The following SCAI variants were observed in gnomAD, a reference collection of about 807,000 sequenced individuals.
SCAI encodes the protein suppressor of cancer cell invasion.
SCAI carries 24 observed loss-of-function variants against 92.2 expected under a neutral mutation model. The observed-to-expected ratio is 0.26, with a 90% confidence interval of 0.19 to 0.37. The LOEUF (loss-of-function observed/expected upper bound fraction) is 0.37. Among genes scored for constraint, SCAI ranks in the 10% least tolerant of loss-of-function variants. SCAI has a pLI of 1.00. For missense variants in SCAI, 450 were observed against 736.2 expected, an observed-to-expected ratio of 0.61 and a Z score of 4.50; for synonymous variants, 261 against 258.6, an observed-to-expected ratio of 1.01 and a Z score of -0.09.
At chr9:125,099,045 A>G (rs1834623833) in intron 2 of SCAI, among the ~76,000 whole-genome samples, 1 of 152,090 alleles carries the variant, frequency 6.6e-6, no homozygotes, top group Non-Finnish European at 1.5e-5. Flanking sequence ...TTAAAAACAG[A>G]TTTACTTGTA....
At chr9:125,072,893 G>C (rs564782079) in intron 2 of SCAI, among the ~76,000 whole-genome samples, 1 of 151,830 alleles carries the variant, frequency 6.6e-6, no homozygotes, top group African/African-American at 2.4e-5. Context: ...TGAATAATAC[G>C]CCCTTGTTTT....
At chr9:125,032,191 A>ATT (rs1254303558) in intron 3 of SCAI, among the ~76,000 whole-genome samples, 25 of 80,640 alleles carry the variant, frequency 3.1e-4, no homozygotes, top group African/African-American at 8.7e-4. Flanking sequence ...ATATATATAT[A>ATT]TATATTTTTT....
intron 14 of SCAI, among the ~76,000 whole-genome samples, chr9:124,989,850 TC>T (rs1388251333): frequency 1.4e-5 from 2 of 142,398 alleles, no homozygotes; most frequent in African/African-American, 5.3e-5. Context: ...ATCACTGCAC[TC>T]CAGTCTGGCT....
intron 2 of SCAI, among the ~76,000 whole-genome samples, chr9:125,065,283 A>C (rs1833851564): frequency 6.6e-6 from 1 of 152,196 alleles, no homozygotes; most frequent in Non-Finnish European, 1.5e-5. Context: ...CTGAAAACAA[A>C]AAGATCACAA....
At chr9:125,082,444 C>T (rs1834240435) in intron 2 of SCAI, among the ~76,000 whole-genome samples, 1 of 152,196 alleles carries the variant, frequency 6.6e-6, no homozygotes, top group Non-Finnish European at 1.5e-5. Context: ...GTTGGAATCC[C>T]CACACAGAGT....
chr9:124,999,968 T>C lies in SCAI; in HGVS notation c.1167A>G (p.Val389=). ...DSEGPYDFGG[V]LTNSNRDIIN... is the part of the protein sequence containing the mutation. ...TAATATCCCGGTTACTATTAGTAAG[T>C]ACACCTCCAAAATCATAAGGACCTA... Residue 389 remains valine, a synonymous_variant, in exon 13 of 18, where the codon GTA becomes GTG. Coordinates refer to ENST00000336505, the MANE Select transcript of SCAI (RefSeq NM_001144877.3). 1 of 1,580,138 alleles carries C rather than the reference T, an allele frequency of 6.3e-7. No homozygotes were observed.
chr9:124,968,136 G>A (rs1275948812), intron 17 of SCAI, among the ~76,000 whole-genome samples: 3 of 152,108 alleles, frequency 2.0e-5, no homozygotes, highest in Non-Finnish European at 4.4e-5. Flanking sequence ...CAAAACTTGT[G>A]GGCAAGGTAG....
At chr9:125,106,126 T>G (rs866973724) in intron 2 of SCAI, among the ~76,000 whole-genome samples, 1 of 59,272 alleles carries the variant, frequency 1.7e-5, no homozygotes. Flanking sequence ...AAAAAAAATA[T>G]ATATATATAT....
At chr9:124,994,482 C>A (rs1832200026) in intron 14 of SCAI, among the ~76,000 whole-genome samples, 1 of 152,154 alleles carries the variant, frequency 6.6e-6, no homozygotes, top group African/African-American at 2.4e-5. Context: ...TTCAAAAAAT[C>A]AAGTGCATGT....
chr9:125,089,685 T>G (rs1834390775), intron 2 of SCAI, among the ~76,000 whole-genome samples: 1 of 150,480 alleles, frequency 6.6e-6, no homozygotes, highest in African/African-American at 2.5e-5. Flanking sequence ...TGGTTTGGGG[T>G]TGGGGGGGGC....
intron 2 of SCAI, among the ~76,000 whole-genome samples, chr9:125,119,257 TC>T (rs1411381726): frequency 2.6e-5 from 4 of 152,110 alleles, no homozygotes; most frequent in Non-Finnish European, 5.9e-5. Flanking sequence ...ATTTTATAGA[TC>T]AACTGATTTA....
chr9:124,971,500 AGAT>A, intron 16 of SCAI, 30 bp from the exon 17 acceptor site: 1 of 1,540,122 alleles, frequency 6.5e-7, no homozygotes, highest in Non-Finnish European at 8.9e-7. Flanking sequence ...GACAGTAAAA[AGAT>A]GCTTAAATGG....
At chr9:125,056,143 A>G (rs1375015009) in intron 2 of SCAI, 136 bp from the exon 3 acceptor site, 2 of 670,888 alleles carry the variant, frequency 3.0e-6, no homozygotes, top group East Asian at 6.0e-5. Flanking sequence ...TCACAAAAAT[A>G]TAATTTAAGT....
intron 2 of SCAI, among the ~76,000 whole-genome samples, chr9:125,124,095 T>G (rs1193559041): frequency 6.6e-6 from 1 of 152,210 alleles, no homozygotes; most frequent in Non-Finnish European, 1.5e-5. Context: ...AGCCATTTCA[T>G]GACAGACTGC....
At chr9:124,963,757 CAAA>C (rs36017738) in intron 17 of SCAI, among the ~76,000 whole-genome samples, 6 of 52,282 alleles carry the variant, frequency 1.1e-4, no homozygotes, top group East Asian at 1.5e-3. Context: ...GAATCTGTCT[CAAA>C]AAAAAAAAAA....
At chr9:125,134,032 C>T (rs555001137) in intron 2 of SCAI, among the ~76,000 whole-genome samples, 1 of 152,158 alleles carries the variant, frequency 6.6e-6, no homozygotes, top group Non-Finnish European at 1.5e-5. Context: ...AGTCTGACAC[C>T]ACAGCCCAAG....
At chr9:124,976,477 C>A (rs1383972863) in intron 14 of SCAI, among the ~76,000 whole-genome samples, 1 of 152,158 alleles carries the variant, frequency 6.6e-6, no homozygotes, top group Non-Finnish European at 1.5e-5. Flanking sequence ...TGGCTGTATA[C>A]CAAGAGGCCA....
At chr9:124,998,782 C>T (rs532673704) in intron 13 of SCAI, among the ~76,000 whole-genome samples, 108 of 152,056 alleles carry the variant, frequency 7.1e-4, no homozygotes, top group Middle Eastern at 3.4e-3. Context: ...CCACCACACC[C>T]GGTTAATTTT....
At chr9:125,100,572 A>G (rs770063301) in intron 2 of SCAI, among the ~76,000 whole-genome samples, 3 of 152,232 alleles carry the variant, frequency 2.0e-5, no homozygotes, top group African/African-American at 7.2e-5. Context: ...CAATGTTCAA[A>G]TTGCAGGTAA....
Sources: allele counts gnomAD v4.1 joint callset (sites outside exome capture counted in the v4.1 genomes callset), GRCh38; gene constraint gnomAD v4.1.1; transcripts MANE v1.5; gene names NCBI Gene and HGNC (gene_info 2026-07-23, HGNC 2026-07-21).